RMND1: variants seen among roughly 807,000 people sequenced by gnomAD.
RMND1 encodes the protein required for meiotic nuclear division protein 1 homolog.
RMND1 carries 41 observed loss-of-function variants against 54.0 expected under a neutral mutation model. The ratio of observed to expected loss-of-function variants is 0.76; its 90% CI spans 0.59 to 0.98. The LOEUF (loss-of-function observed/expected upper bound fraction) is 0.98. RMND1 is among the 50% of genes least tolerant of loss of function. The pLI is 0.00. For synonymous variants in RMND1, 183 were observed against 181.7 expected, an observed-to-expected ratio of 1.01 and a Z score of -0.06; for missense variants, 457 against 532.0, an observed-to-expected ratio of 0.86 and a Z score of 1.39.
chr6:151,427,455 T>C, intron 6 of RMND1, 27 bp downstream of exon 6: 4 of 1,359,466 alleles, frequency 2.9e-6, no homozygotes, highest in Non-Finnish European at 4.2e-6. Flanking sequence ...AGTGCCCCTT[T>C]CATAAATTTG....
chr6:151,440,473 T>C (rs1780742732), intron 2 of RMND1, among the ~76,000 whole-genome samples: 1 of 152,254 alleles, frequency 6.6e-6, no homozygotes. Flanking sequence ...AAATATATTC[T>C]AAGCTCCAAA....
chr6:151,421,045 G>A (rs962938953), intron 9 of RMND1, 200 bp downstream of exon 9: 15 of 460,558 alleles, frequency 3.3e-5, no homozygotes, highest in Middle Eastern at 6.0e-4. Flanking sequence ...TTGCACATGC[G>A]TGATTTCTTT....
rs1268829398 is a variant in RMND1, at chr6:151,445,819, T to C, written c.-8A>G. On this transcript the variant is annotated 5_prime_UTR_variant, in exon 2 of 12. An upstream start codon of the reference 5' UTR is lost. Coordinates refer to ENST00000444024, the MANE Select transcript of RMND1 (RefSeq NM_017909.4). ...GAGGAGTGTGGCTGGCATTACCACA[T>C]CCCAAGCTAAAAGAAAAGGAATTCA... 2.5e-6 allele frequency: 4 copies of C among 1,572,628 alleles called. No individual in the cohort carries two copies. In the Admixed American group the frequency reaches 7.6e-5, roughly 30 times the overall value.
chr6:151,412,951 C>T (rs1022748454), intron 10 of RMND1, among the ~76,000 whole-genome samples: 7 of 152,084 alleles, frequency 4.6e-5, no homozygotes, highest in African/African-American at 1.2e-4. Context: ...CATTACCATT[C>T]GACACAAGAT....
chr6:151,433,018 G>T, intron 4 of RMND1, 137 bp downstream of exon 4: 1 of 553,370 alleles, frequency 1.8e-6, no homozygotes, highest in Non-Finnish European at 3.2e-6. Context: ...GATTAAATAA[G>T]AATTAAATGA....
At chr6:151,423,448 C>T in intron 7 of RMND1, 77 bp downstream of exon 7, 1 of 911,540 alleles carries the variant, frequency 1.1e-6, no homozygotes, top group South Asian at 1.5e-5. Context: ...GAAAATATAC[C>T]AAAATCGTGA....
intron 1 of RMND1, among the ~76,000 whole-genome samples, chr6:151,451,051 G>A (rs2114981997): frequency 6.6e-6 from 1 of 152,126 alleles, no homozygotes; most frequent in African/African-American, 2.4e-5. Flanking sequence ...AGTACCCAGG[G>A]ACACAAACAC....
In RMND1 at chr6:151,421,255, A is replaced by G; in HGVS notation, c.1069T>C (p.Phe357Leu). ...AGAGAAAACTTTTACCTTAGAGCAA[A>G]GAGTTCACCGATTTTCTGCATAACT... ...EEVMQKIGEL[F>L]ALRHRINLSS... Residue 357 changes from phenylalanine to leucine, a missense_variant, in exon 9 of 12, where the codon TTT (phenylalanine) becomes CTT (leucine). Transcript: ENST00000444024. 6.2e-7 allele frequency: 1 copy of G among 1,607,282 alleles called. No individual in the cohort carries two copies. The highest frequency in any genetic ancestry group is 1.1e-5 in the South Asian group (1 of 90,164).
chr6:151,408,486 C>G (rs1430749825), intron 10 of RMND1, among the ~76,000 whole-genome samples: 1 of 151,998 alleles, frequency 6.6e-6, no homozygotes, highest in Admixed American at 6.6e-5. Flanking sequence ...GAAGTTAGTA[C>G]CAGATTGTGA....
intron 10 of RMND1, among the ~76,000 whole-genome samples, chr6:151,410,076 G>A (rs547555321): frequency 4.8e-4 from 72 of 148,454 alleles, no homozygotes; most frequent in East Asian, 3.2e-3. Context: ...TTTTTTTGAG[G>A]CGGAGTCTTG....
At chr6:151,427,345 C>T (rs1235986616) in intron 6 of RMND1, 137 bp downstream of exon 6, 2 of 498,332 alleles carry the variant, frequency 4.0e-6, no homozygotes, top group Admixed American at 3.2e-5. Context: ...CACTGCACTC[C>T]ATCCTGGGCG....
At chr6:151,436,867 T>C (rs1320349888) in intron 2 of RMND1, 1 of 195,774 alleles carries the variant, frequency 5.1e-6, no homozygotes, top group Non-Finnish European at 1.0e-5. Context: ...TAGAGATGAT[T>C]AAGGCATCAC....
chr6:151,413,695 A>G (rs955039860), intron 10 of RMND1: 4 of 152,258 alleles, frequency 2.6e-5, no homozygotes, highest in African/African-American at 7.2e-5. Context: ...GACAACCAGG[A>G]AAGTCCAGTG....
At chr6:151,441,630 T>C (rs1780778040) in intron 2 of RMND1, among the ~76,000 whole-genome samples, 1 of 151,970 alleles carries the variant, frequency 6.6e-6, no homozygotes, top group Non-Finnish European at 1.5e-5. Context: ...CAATGAAACC[T>C]CCATTAAAAA....
chr6:151,434,319 G>A (rs1294797661), intron 3 of RMND1, among the ~76,000 whole-genome samples: 1 of 147,460 alleles, frequency 6.8e-6, no homozygotes, highest in African/African-American at 2.5e-5. Context: ...ATGTCTTAAC[G>A]GAATTAACAT....
intron 6 of RMND1, among the ~76,000 whole-genome samples, chr6:151,425,469 A>C (rs1443522356): frequency 1.3e-5 from 2 of 151,830 alleles, no homozygotes; most frequent in African/African-American, 4.8e-5. Flanking sequence ...CACACACACA[A>C]GGGTCTAGCA....
rs1394840293 is a variant in RMND1 at position 151,450,375 on chromosome 6, A to C, written c.-15+1641T>G. Among the ~76,000 whole-genome samples, 53 of 135,228 alleles carry C rather than the reference A, an allele frequency of 3.9e-4. 1 individual carries two copies. The highest frequency in any genetic ancestry group is 1.3e-3 in the African/African-American group (45 of 33,414). The allele number at this position is 135,228 out of a possible 152,430, so 88.7% of individuals were successfully genotyped here. On this transcript the variant is annotated intron_variant, in intron 1 of 11. Transcript: ENST00000444024. ...AGGGAGGTGGGGGTCAGCCCCCGCCAGGCCAGCCACCCCATCCGGGAGGGA... is the reference window on the plus strand; with the variant it reads ...AGGGAGGTGGGGGTCAGCCCCCGCCCGGCCAGCCACCCCATCCGGGAGGGA...
intron 11 of RMND1, 131 bp downstream of exon 11, chr6:151,405,589 G>C (rs1198049047): frequency 1.6e-6 from 1 of 628,138 alleles, no homozygotes; most frequent in Non-Finnish European, 2.8e-6. Flanking sequence ...CTTCCAAATA[G>C]AGTTAGTAAT....
intron 4 of RMND1, 31 bp downstream of exon 4, chr6:151,433,124 A>G: frequency 6.9e-7 from 1 of 1,458,066 alleles, no homozygotes; most frequent in Non-Finnish European, 9.6e-7. Context: ...CAAACCCATC[A>G]TCACCTAATG....
Sources: allele counts gnomAD v4.1 joint callset (sites outside exome capture counted in the v4.1 genomes callset), GRCh38; gene constraint gnomAD v4.1.1; transcripts MANE v1.5; gene names NCBI Gene and HGNC (gene_info 2026-07-23, HGNC 2026-07-21).